IQGAP1: variants seen among roughly 807,000 people sequenced by gnomAD.
IQGAP1 encodes IQ motif containing GTPase activating protein 1, also known as ras GTPase-activating-like protein IQGAP1.
In IQGAP1, 66 loss-of-function variants were observed where a neutral mutation model predicts 215.6. The observed-to-expected ratio is 0.31, with a 90% confidence interval of 0.25 to 0.38. IQGAP1 has a LOEUF of 0.38. Ranked by LOEUF, IQGAP1 falls within the 10% of genes least tolerant of loss-of-function variation. IQGAP1 has a pLI of 1.00. For synonymous variants in IQGAP1, 772 were observed against 728.7 expected, an observed-to-expected ratio of 1.06 and a Z score of -0.96; for missense variants, 1,712 against 1,997.1, an observed-to-expected ratio of 0.86 and a Z score of 2.72.
intron 28 of IQGAP1, chr15:90,482,704 C>A: frequency 1.0e-6 from 1 of 999,232 alleles, no homozygotes; most frequent in Non-Finnish European, 1.2e-6. Flanking sequence ...TCTCCTAGTT[C>A]TGTGCTTTCC....
chr15:90,472,842 T>A lies in IQGAP1; in HGVS notation c.2181T>A (p.Ser727Arg). Reference sequence around the variant, plus strand: ...GAATGTGACCACTGCTTTTTCAGAGTTCTATCTCTGGGGTGACTGCCGCAT... The same window carrying A: ...GAATGTGACCACTGCTTTTTCAGAGATCTATCTCTGGGGTGACTGCCGCAT... ...SMQLSREEIQ[S>R]SISGVTAAYN... Residue 727 changes from serine (S) to arginine (R), a missense_variant and splice_region_variant, in exon 19 of 38, where the codon AGT becomes AGA. By Grantham distance (110) the Ser-to-Arg change is moderately radical (BLOSUM62 -1). Coordinates refer to ENST00000268182, the MANE Select transcript of IQGAP1 (RefSeq NM_003870.4). 6.2e-7 allele frequency: 1 copy of A among 1,602,852 alleles called. No homozygotes were observed. Among genetic ancestry groups the A allele is most frequent in the African/African-American group, 1.3e-5 (1 of 74,570 alleles).
intron 28 of IQGAP1, chr15:90,483,112 AT>A (rs1356253833): frequency 2.4e-6 from 1 of 416,298 alleles, no homozygotes; most frequent in Non-Finnish European, 4.4e-6. Flanking sequence ...CTGCTCTTTC[AT>A]TAACTACTGG....
Position 90,399,500 on chromosome 15 carries a change from A to G in IQGAP1, c.155+8627A>G, listed in dbSNP as rs1038550261. Among the ~76,000 whole-genome samples the G allele has an allele frequency of 3.9e-5, 6 of 152,304 alleles. No homozygotes were observed. The East Asian group carries it at 1.2e-3, about 29-fold the overall frequency. ...TTGACTTTCTCTCGTATTTGCTACA[A>G]ACATTTTCCCTTGATGTTTCATTGT... is the stretch of plus-strand genomic sequence containing the variant. On this transcript the variant is annotated intron_variant, in intron 2 of 37. Coordinates refer to ENST00000268182, the MANE Select transcript of IQGAP1 (RefSeq NM_003870.4).
At chr15:90,421,498 A>G (rs1157456872) in intron 2 of IQGAP1, among the ~76,000 whole-genome samples, 1 of 151,578 alleles carries the variant, frequency 6.6e-6, no homozygotes, top group Non-Finnish European at 1.5e-5. Flanking sequence ...AAAGCTAGAG[A>G]TATGGTTTAG....
intron 2 of IQGAP1, among the ~76,000 whole-genome samples, chr15:90,398,373 G>A (rs1964756890): frequency 1.3e-5 from 2 of 151,890 alleles, no homozygotes; most frequent in South Asian, 4.2e-4. Context: ...GGGGGTAGAG[G>A]GTGTGAGATT....
chr15:90,459,003 GC>G (rs1965725088), intron 15 of IQGAP1, among the ~76,000 whole-genome samples: 1 of 152,094 alleles, frequency 6.6e-6, no homozygotes, highest in African/African-American at 2.4e-5. Context: ...AACTTACAGA[GC>G]CCACACGAGT....
rs555441133 is a variant in IQGAP1 at position 90,465,875 on chromosome 15, C to T, written c.1777-126C>T. ...CTCCTTCTTCCATTTGACTAACCCA[C>T]GTGTCTCATATTTTTTAAGCCTGTT... On this transcript the variant is annotated intron_variant, in intron 15 of 37. Transcript: ENST00000268182. The T allele has an allele frequency of 2.3e-5, 17 of 745,766 alleles. No homozygotes were observed. In the East Asian group the frequency reaches 3.8e-4, roughly 16 times the overall value. 46.2% of individuals were successfully genotyped at this position (745,766 alleles called of 1,614,324 possible).
intron 30 of IQGAP1, among the ~76,000 whole-genome samples, chr15:90,485,694 C>T (rs1966116918): frequency 6.6e-6 from 1 of 152,158 alleles, no homozygotes; most frequent in African/African-American, 2.4e-5. Flanking sequence ...CCCGCCTTGG[C>T]TTCCCAAAAT....
At chr15:90,462,154 C>T (rs1357932258) in intron 15 of IQGAP1, among the ~76,000 whole-genome samples, 4 of 152,022 alleles carry the variant, frequency 2.6e-5, no homozygotes, top group African/African-American at 4.8e-5. Flanking sequence ...GGCGACAGAG[C>T]GAGACTCTGT....
intron 14 of IQGAP1, among the ~76,000 whole-genome samples, chr15:90,454,971 C>T (rs1357574009): frequency 2.6e-5 from 4 of 152,078 alleles, no homozygotes; most frequent in Non-Finnish European, 4.4e-5. Context: ...CCCTTCTACC[C>T]GCTCAGGTTT....
intron 2 of IQGAP1, among the ~76,000 whole-genome samples, chr15:90,402,322 G>T (rs1793313456): frequency 6.6e-6 from 1 of 152,210 alleles, no homozygotes. Flanking sequence ...CATACAGACA[G>T]GAGTGGCAAA....
At chr15:90,467,408 G>C in intron 17 of IQGAP1, 42 bp from the exon 18 acceptor site, 1 of 1,585,364 alleles carries the variant, frequency 6.3e-7, no homozygotes, top group Non-Finnish European at 8.6e-7. Flanking sequence ...GCTGGGGAGT[G>C]TGGCTCTGGA....
chr15:90,432,242 T>C (rs1161153346), intron 4 of IQGAP1, among the ~76,000 whole-genome samples: 2 of 152,196 alleles, frequency 1.3e-5, no homozygotes, highest in East Asian at 3.8e-4. Flanking sequence ...AATGGTACCA[T>C]GTCATCATTT....
At chr15:90,403,291 A>G (rs2151004019) in intron 2 of IQGAP1, among the ~76,000 whole-genome samples, 1 of 152,330 alleles carries the variant, frequency 6.6e-6, no homozygotes, top group African/African-American at 2.4e-5. Flanking sequence ...AGTTTGGGCA[A>G]TACCTTTTCA....
rs913853696 is a variant in IQGAP1 at position 90,479,940 on chromosome 15, C to T, written c.3330-2020C>T. On this transcript the variant is annotated intron_variant, in intron 26 of 37. Transcript: ENST00000268182. ...GCCTGCAACCCAGGGCATTCCTTGC[C>T]GATAGCCCCATGTACACTGGCTCCG... 3.9e-5 allele frequency among the ~76,000 whole-genome samples: 6 copies of T among 152,164 alleles called. No homozygotes were observed. In the South Asian group the frequency reaches 1.0e-3, roughly 26 times the overall value.
chr15:90,390,924 G>C (rs1324301250), intron 2 of IQGAP1, 51 bp downstream of exon 2: 1 of 1,097,162 alleles, frequency 9.1e-7, no homozygotes, highest in East Asian at 2.4e-5. Context: ...ACTGATAATA[G>C]TGTGAATACA....
chr15:90,394,796 A>T (rs531803218), intron 2 of IQGAP1, among the ~76,000 whole-genome samples: 3 of 99,548 alleles, frequency 3.0e-5, no homozygotes, highest in South Asian at 6.7e-4. Context: ...TATTTATAAT[A>T]CCTCTACTTC....
chr15:90,392,788 A>G (rs1306394853), intron 2 of IQGAP1, among the ~76,000 whole-genome samples: 4 of 114,190 alleles, frequency 3.5e-5, no homozygotes, highest in Non-Finnish European at 6.5e-5. Context: ...TCTGTTGCCC[A>G]GGCTGGAGGG....
chr15:90,395,214 A>G (rs986796796), intron 2 of IQGAP1, among the ~76,000 whole-genome samples: 1 of 152,194 alleles, frequency 6.6e-6, no homozygotes, highest in African/African-American at 2.4e-5. Context: ...TAGATCAAGG[A>G]TACATCTTAA....
Sources: gnomAD v4.1 joint callset for allele counts (sites outside exome capture counted in the v4.1 genomes callset) on GRCh38, gnomAD v4.1.1 for gene constraint, MANE v1.5 for transcripts, NCBI Gene and HGNC (gene_info 2026-07-23, HGNC 2026-07-21) for gene names.